CCSER1: variants seen among roughly 807,000 people sequenced by gnomAD.
CCSER1 encodes the protein serine-rich coiled-coil domain-containing protein 1.
CCSER1 carries 41 observed loss-of-function variants against 82.0 expected under a neutral mutation model. The observed-to-expected ratio is 0.50, with a 90% CI of 0.39 to 0.65. The LOEUF (loss-of-function observed/expected upper bound fraction) is 0.65, where lower values mean the gene tolerates loss of function less well. Among genes scored for constraint, CCSER1 ranks in the 30% least tolerant of loss-of-function variants. The probability of loss-of-function intolerance (pLI) is 0.00; values close to 1 mark genes in which losing one functional copy is unlikely to be tolerated. For synonymous variants in CCSER1, 414 were observed against 383.9 expected, an observed-to-expected ratio of 1.08 and a Z score of -0.92; for missense variants, 1,119 against 1,064.2, an observed-to-expected ratio of 1.05 and a Z score of -0.72.
At chr4:90,217,524 T>C (rs1741299969) in intron 1 of CCSER1, among the ~76,000 whole-genome samples, 1 of 152,132 alleles carries the variant, frequency 6.6e-6, no homozygotes, top group Admixed American at 6.5e-5. Context: ...AGGTATAGAA[T>C]TATATTGTCC....
intron 10 of CCSER1, among the ~76,000 whole-genome samples, chr4:91,291,513 G>A (rs555221694): frequency 2.5e-4 from 38 of 152,056 alleles, no homozygotes; most frequent in Admixed American, 5.3e-4. Flanking sequence ...GATTCCTCAG[G>A]AAACTTACAG....
chr4:91,588,897 A>T (rs1325392247), intron 10 of CCSER1, among the ~76,000 whole-genome samples: 1 of 151,814 alleles, frequency 6.6e-6, no homozygotes, highest in Non-Finnish European at 1.5e-5. Flanking sequence ...CCTTTGAAGT[A>T]AGGCATCCAA....
At chr4:91,014,650 C>CCCTGTTTGTCT (rs1232600307) in intron 9 of CCSER1, among the ~76,000 whole-genome samples, 11 of 82,560 alleles carry the variant, frequency 1.3e-4, no homozygotes, top group East Asian at 5.1e-4. Flanking sequence ...AAGCCAGATT[C>CCCTGTTTGTCT]TTATTTTTTG....
chr4:90,457,231 A>G (rs1578561129), intron 4 of CCSER1, among the ~76,000 whole-genome samples: 1 of 152,320 alleles, frequency 6.6e-6, no homozygotes, highest in Non-Finnish European at 1.5e-5. Context: ...TGGAGATCCC[A>G]GGAACTGCAG....
chr4:91,212,354 AG>A (rs1422185381), intron 10 of CCSER1, among the ~76,000 whole-genome samples: 1 of 151,918 alleles, frequency 6.6e-6, no homozygotes, highest in Non-Finnish European at 1.5e-5. Flanking sequence ...TGGAATGTGG[AG>A]ATGCATCCAC....
intron 3 of CCSER1, among the ~76,000 whole-genome samples, chr4:90,343,107 AG>A (rs1381857643): frequency 6.6e-6 from 1 of 152,098 alleles, no homozygotes; most frequent in East Asian, 1.9e-4. Flanking sequence ...TATGACTTGC[AG>A]GCATGTCATC....
intron 10 of CCSER1, among the ~76,000 whole-genome samples, chr4:91,152,020 G>C (rs1730263323): frequency 6.6e-6 from 1 of 152,076 alleles, no homozygotes; most frequent in Non-Finnish European, 1.5e-5. Flanking sequence ...TTCAATTCCT[G>C]GATATCTTTG....
chr4:91,255,067 G>A (rs1740574927), intron 10 of CCSER1, among the ~76,000 whole-genome samples: 2 of 152,026 alleles, frequency 1.3e-5, no homozygotes, highest in Admixed American at 6.6e-5. Context: ...ACACTGTCAA[G>A]CAGAAAGATA....
intron 10 of CCSER1, among the ~76,000 whole-genome samples, chr4:91,179,374 A>C (rs998146275): frequency 3.9e-5 from 6 of 152,242 alleles, no homozygotes; most frequent in South Asian, 2.1e-4. Context: ...GGAAGTTCTC[A>C]TGGATAATAT....
intron 3 of CCSER1, among the ~76,000 whole-genome samples, chr4:90,344,140 G>A (rs1422532410): frequency 6.6e-6 from 1 of 152,112 alleles, no homozygotes; most frequent in African/African-American, 2.4e-5. Context: ...AACATATGAT[G>A]TTTGTCTTTC....
At chr4:90,729,718 A>T (rs1358960772) in intron 7 of CCSER1, among the ~76,000 whole-genome samples, 1 of 152,104 alleles carries the variant, frequency 6.6e-6, no homozygotes, top group Non-Finnish European at 1.5e-5. Context: ...TACTAAAAAT[A>T]CAAAAAAATT....
chr4:90,584,727 C>A (rs1188092998), intron 5 of CCSER1, among the ~76,000 whole-genome samples: 1 of 152,070 alleles, frequency 6.6e-6, no homozygotes, highest in African/African-American at 2.4e-5. Flanking sequence ...TAAATATAAT[C>A]CAATTAATTG....
At chr4:90,804,427 C>T (rs751806141) in intron 7 of CCSER1, among the ~76,000 whole-genome samples, 50 of 152,098 alleles carry the variant, frequency 3.3e-4, no homozygotes, top group Non-Finnish European at 5.0e-4. Context: ...CAGTTTTCTG[C>T]ATACGTCTAG....
chr4:90,445,024 A>G (rs1318984384), intron 4 of CCSER1, among the ~76,000 whole-genome samples: 1 of 151,810 alleles, frequency 6.6e-6, no homozygotes, highest in African/African-American at 2.4e-5. Context: ...ACAGATAAAC[A>G]TCTTCCCTCA....
intron 10 of CCSER1, among the ~76,000 whole-genome samples, chr4:91,211,088 T>G (rs559891956): frequency 6.6e-6 from 1 of 152,104 alleles, no homozygotes; most frequent in East Asian, 1.9e-4. Flanking sequence ...CTCAAGTGAT[T>G]AAATGATCTC....
intron 3 of CCSER1, among the ~76,000 whole-genome samples, chr4:90,363,881 G>T (rs755397581): frequency 6.6e-6 from 1 of 152,086 alleles, no homozygotes; most frequent in Non-Finnish European, 1.5e-5. Context: ...TCTGCAAAAA[G>T]ATGGGATTAT....
chr4:90,592,627 T>A (rs1008532723), intron 5 of CCSER1, among the ~76,000 whole-genome samples: 2 of 152,192 alleles, frequency 1.3e-5, no homozygotes, highest in Admixed American at 6.6e-5. Flanking sequence ...CTTCTTTCTC[T>A]ATAACTGATG....
chr4:90,914,471 A>G (rs923827830), intron 8 of CCSER1, among the ~76,000 whole-genome samples: 1 of 152,176 alleles, frequency 6.6e-6, no homozygotes, highest in East Asian at 1.9e-4. Context: ...AACAAACTAG[A>G]ATCTCTGGGA....
chr4:90,840,717 G>T (rs547631912), intron 8 of CCSER1, among the ~76,000 whole-genome samples: 1 of 151,864 alleles, frequency 6.6e-6, no homozygotes, highest in Admixed American at 6.6e-5. Flanking sequence ...GCAGCAAGAA[G>T]CACCCTCATC....
Sources: gnomAD v4.1 joint callset for allele counts (sites outside exome capture counted in the v4.1 genomes callset) on GRCh38, gnomAD v4.1.1 for gene constraint, MANE v1.5 for transcripts, NCBI Gene and HGNC (gene_info 2026-07-23, HGNC 2026-07-21) for gene names.